The following TSNARE1 variants were observed in gnomAD, a reference collection of about 807,000 sequenced individuals.
TSNARE1 encodes the protein t-SNARE domain-containing protein 1.
Under a neutral mutation model 62.0 loss-of-function variants are expected in TSNARE1, and 49 were observed. That is an observed-to-expected ratio of 0.79 (90% CI 0.63 to 1.00). TSNARE1 has a LOEUF of 1.00. Among genes scored for constraint, TSNARE1 ranks in the 50% least tolerant of loss-of-function variants. The probability of loss-of-function intolerance (pLI) is 0.00; values close to 1 mark genes in which losing one functional copy is unlikely to be tolerated. For missense variants in TSNARE1, 755 were observed against 700.1 expected (o/e 1.08, Z -0.88); for synonymous variants, 328 against 294.4 (o/e 1.11, Z -1.17).
intron 10 of TSNARE1, among the ~76,000 whole-genome samples, chr8:142,295,615 TG>T (rs1418399876): frequency 6.6e-6 from 1 of 152,234 alleles, no homozygotes. Context: ...CAGCCTCCAC[TG>T]GCCGCTGGGT....
chr8:142,320,464 G>A (rs1257769740), intron 6 of TSNARE1, among the ~76,000 whole-genome samples: 6 of 140,832 alleles, frequency 4.3e-5, no homozygotes, highest in South Asian at 4.7e-4. Context: ...CTGCACCTCC[G>A]ACCACTTCCC....
chr8:142,292,568 G>A (rs1032272481), intron 10 of TSNARE1, among the ~76,000 whole-genome samples: 5 of 152,140 alleles, frequency 3.3e-5, no homozygotes, highest in Admixed American at 6.5e-5. Flanking sequence ...AGAAGAGGCC[G>A]GCCAGACCCC....
At chr8:142,266,566 C>T (rs987284515) in intron 12 of TSNARE1, among the ~76,000 whole-genome samples, 1 of 152,224 alleles carries the variant, frequency 6.6e-6, no homozygotes, top group African/African-American at 2.4e-5. Context: ...GCTTCCTCTG[C>T]TGCCAATGTA....
intron 6 of TSNARE1, among the ~76,000 whole-genome samples, chr8:142,320,509 C>G (rs1386191898): frequency 6.6e-6 from 1 of 151,630 alleles, no homozygotes; most frequent in Non-Finnish European, 1.5e-5. Flanking sequence ...CTTCACCTCC[C>G]CACACCACCC....
chr8:142,226,967 ACGGCAG>A (rs1563760338), intron 13 of TSNARE1, among the ~76,000 whole-genome samples: 1 of 131,582 alleles, frequency 7.6e-6, no homozygotes, highest in African/African-American at 4.0e-5. Context: ...CTGCACCCAC[ACGGCAG>A]TGACAGCAAG....
At chr8:142,302,508 G>A (rs1825951286) in intron 9 of TSNARE1, among the ~76,000 whole-genome samples, 2 of 152,136 alleles carry the variant, frequency 1.3e-5, no homozygotes, top group Non-Finnish European at 2.9e-5. Flanking sequence ...GGGCTGCCCA[G>A]CTCACACCAT....
intron 12 of TSNARE1, among the ~76,000 whole-genome samples, chr8:142,237,325 T>C (rs1817483954): frequency 6.6e-6 from 1 of 152,210 alleles, no homozygotes; most frequent in Non-Finnish European, 1.5e-5. Context: ...CTTGGCCTGT[T>C]CAGGCCTGTG....
chr8:142,276,988 C>T lies in TSNARE1; in HGVS notation c.1364-2125G>A, dbSNP rs984566160. On this transcript the variant is annotated intron_variant, in intron 11 of 13. Transcript: ENST00000524325. ...ACAGAGATGCACAAGGGGAGGGGGG[C>T]TGCTCCCGGTGCTGTGCGGCCGCGT... 271 of 985,354 alleles carry T rather than the reference C, an allele frequency of 2.8e-4. No homozygotes were observed. The Middle Eastern group carries it at 3.1e-3, about 11-fold the overall frequency. The allele number at this position is 985,354 out of a possible 1,614,324, so 61.0% of individuals were successfully genotyped here.
chr8:142,233,183 G>A (rs745338534), intron 12 of TSNARE1, among the ~76,000 whole-genome samples: 3 of 152,192 alleles, frequency 2.0e-5, no homozygotes, highest in African/African-American at 7.2e-5. Context: ...CTTCCTTAAC[G>A]AGGCGAGATG....
intron 13 of TSNARE1, among the ~76,000 whole-genome samples, chr8:142,220,116 G>A (rs1014072020): frequency 4.6e-5 from 7 of 152,210 alleles, no homozygotes; most frequent in African/African-American, 1.2e-4. Flanking sequence ...TAACAGTAAC[G>A]CAGCCCGCAA....
Position 142,300,542 on chromosome 8 carries a change from T to C in TSNARE1, c.1234A>G (p.Thr412Ala), listed in dbSNP as rs375746025. 1 of 1,612,078 alleles carries C rather than the reference T, an allele frequency of 6.2e-7. No individual in the cohort carries two copies. Among genetic ancestry groups the C allele is most frequent in the Admixed American group, 1.7e-5 (1 of 60,026 alleles). Reference sequence around the variant, plus strand: ...CGGATGGCCTCCAGGTCCTCTTCAGTGATGTCCGGGAGCAGCGCCTGCTCC... The same window carrying C: ...CGGATGGCCTCCAGGTCCTCTTCAGCGATGTCCGGGAGCAGCGCCTGCTCC... Reference protein sequence around the residue: ...GQEQALLPDITEEDLEAIRLR... With the variant: ...GQEQALLPDIAEEDLEAIRLR... Residue 412 changes from threonine to alanine, a missense_variant, in exon 10 of 14, where the codon ACT (threonine) becomes GCT (alanine). Transcript: ENST00000524325.
chr8:142,238,921 C>T (rs534600145), intron 12 of TSNARE1, among the ~76,000 whole-genome samples: 14 of 152,288 alleles, frequency 9.2e-5, no homozygotes, highest in Non-Finnish European at 2.1e-4. Context: ...GACTTCTGCT[C>T]ACCAGCCAGG....
chr8:142,383,635 G>A (rs1018090409), intron 1 of TSNARE1, among the ~76,000 whole-genome samples: 2 of 152,212 alleles, frequency 1.3e-5, no homozygotes, highest in African/African-American at 4.8e-5. Context: ...CAGGGGGCAG[G>A]AGTGTGGACA....
chr8:142,287,033 G>A (rs994719625), intron 10 of TSNARE1, among the ~76,000 whole-genome samples: 34 of 152,338 alleles, frequency 2.2e-4, no homozygotes, highest in African/African-American at 7.7e-4. Flanking sequence ...GGAAAATGCT[G>A]GAATCCGCAT....
At chr8:142,360,226 G>A (rs1835048319) in intron 1 of TSNARE1, among the ~76,000 whole-genome samples, 1 of 152,200 alleles carries the variant, frequency 6.6e-6, no homozygotes, top group Non-Finnish European at 1.5e-5. Context: ...CTCAGAGGAG[G>A]GAGGGCTGGG....
intron 11 of TSNARE1, chr8:142,277,442 A>AGCCCT (rs755459996): frequency 2.3e-4 from 229 of 985,278 alleles, no homozygotes; most frequent in Non-Finnish European, 2.7e-4. Flanking sequence ...AGCCGTGACC[A>AGCCCT]GCCCTGCAGG....
At chr8:142,378,279 A>G (rs1175668428) in intron 1 of TSNARE1, among the ~76,000 whole-genome samples, 2 of 152,224 alleles carry the variant, frequency 1.3e-5, no homozygotes, top group East Asian at 3.9e-4. Flanking sequence ...AGCCAGGCCA[A>G]AGAGAGTCAT....
At chr8:142,215,817 G>A (rs188596149) in intron 13 of TSNARE1, among the ~76,000 whole-genome samples, 93 of 152,332 alleles carry the variant, frequency 6.1e-4, no homozygotes, top group Middle Eastern at 3.4e-3. Context: ...GCCTGGACAC[G>A]CCCTTCAGCA....
intron 4 of TSNARE1, among the ~76,000 whole-genome samples, chr8:142,341,277 C>G (rs1462387534): frequency 6.6e-6 from 1 of 152,208 alleles, no homozygotes; most frequent in East Asian, 1.9e-4. Context: ...CCCACCCCCC[C>G]AGGCCTGGCC....
Sources: gnomAD v4.1 joint callset for allele counts (sites outside exome capture counted in the v4.1 genomes callset) on GRCh38, gnomAD v4.1.1 for gene constraint, MANE v1.5 for transcripts, NCBI Gene and HGNC (gene_info 2026-07-23, HGNC 2026-07-21) for gene names.